Variants in DAAM2 observed in about 807,000 individuals in gnomAD.
DAAM2 encodes disheveled-associated activator of morphogenesis 2.
Under a neutral mutation model 120.7 loss-of-function variants are expected in DAAM2, and 39 were observed. That is an observed-to-expected ratio of 0.32 (90% CI 0.25 to 0.42). The LOEUF (loss-of-function observed/expected upper bound fraction) is 0.42. DAAM2 is among the 10% of genes least tolerant of loss of function. The pLI, the probability that DAAM2 is intolerant of heterozygous loss-of-function variation, is 1.00. For missense variants in DAAM2, 1,283 were observed against 1,401.7 expected (o/e 0.92, Z 1.35); for synonymous variants, 488 against 524.9 (o/e 0.93, Z 0.96).
intron 1 of DAAM2, among the ~76,000 whole-genome samples, chr6:39,811,179 G>GTGTGTGTGTA: frequency 2.2e-5 from 1 of 45,358 alleles, no homozygotes; most frequent in East Asian, 4.5e-4. Flanking sequence ...AAGGGAGTGT[G>GTGTGTGTGTA]TGTGTGTGTG....
intron 1 of DAAM2, among the ~76,000 whole-genome samples, chr6:39,807,019 G>A (rs1762028855): frequency 6.6e-6 from 1 of 152,026 alleles, no homozygotes; most frequent in African/African-American, 2.4e-5. Context: ...TCACTCCTAG[G>A]TAAGTCCAGA....
At chr6:39,808,498 C>T (rs180852606) in intron 1 of DAAM2, among the ~76,000 whole-genome samples, 137 of 152,308 alleles carry the variant, frequency 9.0e-4, no homozygotes, top group South Asian at 3.7e-3. Context: ...GTTCCTTTTG[C>T]GAACACCCCA....
intron 1 of DAAM2, among the ~76,000 whole-genome samples, chr6:39,795,872 G>A (rs534695595): frequency 6.6e-6 from 1 of 152,250 alleles, no homozygotes; most frequent in Admixed American, 6.5e-5. Flanking sequence ...TGCTCTTTAG[G>A]GAGGGAGAAG....
intron 1 of DAAM2, among the ~76,000 whole-genome samples, chr6:39,849,218 C>T (rs764702915): frequency 5.9e-5 from 9 of 152,064 alleles, no homozygotes; most frequent in African/African-American, 1.2e-4. Context: ...TGGTAGTAGC[C>T]GTAGACAATA....
rs374406321 is a variant in DAAM2 at position 39,901,394 on chromosome 6, C to T, written c.2904C>T (p.Phe968=). Reference sequence around the variant, plus strand: ...TCTTTGATACCTTCTTGCAGGCCTTCTCAGAGGCCCGGCAGGATCTAGAGG... The same window carrying T: ...TCTTTGATACCTTCTTGCAGGCCTTTTCAGAGGCCCGGCAGGATCTAGAGG... ...FGIFDTFLQA[F]SEARQDLEAM... The change falls in exon 24 of 25, where the codon TTC becomes TTT. Residue 968 remains phenylalanine (F), a synonymous_variant. Transcript: ENST00000274867. The surrounding 1 kb of genome is among the most constrained non-coding windows in gnomAD (Gnocchi z 4.5). 21 of 1,613,720 alleles carry T rather than the reference C, an allele frequency of 1.3e-5. No homozygotes were observed. The highest frequency in any genetic ancestry group is 1.6e-5 in the Non-Finnish European group (19 of 1,179,892).
chr6:39,870,527 C>T (rs1180601486), intron 8 of DAAM2, 84 bp downstream of exon 8: 6 of 876,418 alleles, frequency 6.8e-6, no homozygotes, highest in Non-Finnish European at 1.1e-5. Flanking sequence ...GTGAAGGCTG[C>T]CCTTCCCTCT....
intron 1 of DAAM2, chr6:39,821,141 G>A (rs1216747727): frequency 6.6e-6 from 1 of 152,160 alleles, no homozygotes; most frequent in African/African-American, 2.4e-5. Flanking sequence ...CACCCACCTC[G>A]GGCTCTTGGG....
intron 7 of DAAM2, among the ~76,000 whole-genome samples, chr6:39,870,026 ATCTG>A (rs1265573652): frequency 6.6e-6 from 1 of 152,078 alleles, no homozygotes; most frequent in East Asian, 1.9e-4. Context: ...CAGATCCAAG[ATCTG>A]TCTGATTCCA....
Position 39,878,184 on chromosome 6 carries a change from TC to T in DAAM2, c.1302-16del. ...AATGGTCAACAATCACATTGCCCCT[TC>T]CCTCTATGCCCTGCCAGGCTCATCA... On this transcript the variant is annotated intron_variant, in intron 11 of 24. Transcript: ENST00000274867. The surrounding 1 kb of genome is among the most constrained non-coding windows in gnomAD (Gnocchi z 5.0). 1 of 1,613,552 alleles carries T rather than the reference TC, an allele frequency of 6.2e-7. No homozygotes were observed. Among genetic ancestry groups the T allele is most frequent in the South Asian group, 1.1e-5 (1 of 91,030 alleles).
Position 39,903,687 on chromosome 6 carries a change from A to T in DAAM2, c.*1650A>T, listed in dbSNP as rs1463455202. 1.2e-5 allele frequency: 2 copies of T among 164,216 alleles called. No homozygotes were observed. The highest frequency in any genetic ancestry group is 4.8e-5 in the African/African-American group (2 of 41,580). The allele number at this position is 164,216 out of a possible 1,614,324, so 10.2% of individuals were successfully genotyped here. A position where few individuals can be genotyped will look rare whatever the true frequency, so the allele number is the denominator to read the frequency against. On this transcript the variant is annotated 3_prime_UTR_variant, in exon 25 of 25. Transcript: ENST00000274867. ...AGACTGGTGAGCTGGGCCTACTCTC[A>T]GCTGCCTATCTTCTGCCTTTCACTT...
chr6:39,835,791 C>T (rs576031606), intron 1 of DAAM2, among the ~76,000 whole-genome samples: 1 of 152,238 alleles, frequency 6.6e-6, no homozygotes, highest in East Asian at 1.9e-4. Flanking sequence ...GGTGCCTACC[C>T]TAATGAGATG....
Position 39,904,528 on chromosome 6 carries a change from C to T in DAAM2, c.*2491C>T, listed in dbSNP as rs1562075463. ...ATTTTGTGGCCAATGTAAAATTCGT[C>T]ATCAACCTAACAAACACAACCTTCT... On this transcript the variant is annotated 3_prime_UTR_variant, in exon 25 of 25. Coordinates refer to ENST00000274867, the MANE Select transcript of DAAM2 (RefSeq NM_001201427.2). 2.2e-6 allele frequency: 1 copy of T among 454,284 alleles called. No individual in the cohort carries two copies. Among genetic ancestry groups the T allele is most frequent in the Admixed American group, 2.3e-5 (1 of 42,574 alleles). The allele number at this position is 454,284 out of a possible 1,614,324, so 28.1% of individuals were successfully genotyped here.
chr6:39,901,554 G>A lies in DAAM2; in HGVS notation c.2982+82G>A. The A allele has an allele frequency of 6.8e-7, 1 of 1,460,410 alleles. No individual in the cohort carries two copies. The highest frequency in any genetic ancestry group is 9.2e-7 in the Non-Finnish European group (1 of 1,082,932). 90.5% of individuals were successfully genotyped at this position (1,460,410 alleles called of 1,614,324 possible). A position where few individuals can be genotyped will look rare whatever the true frequency, so the allele number is the denominator to read the frequency against. ...CACCCCCAAACTGGGGTGTGTGGGA[G>A]GAGGGCAGAGACTGAGGAACTGAGG... On this transcript the variant is annotated intron_variant, in intron 24 of 24. Transcript: ENST00000274867. This position sits in a 1 kb window ranked among gnomAD's most constrained non-coding sequence, Gnocchi z 4.5.
intron 1 of DAAM2, among the ~76,000 whole-genome samples, chr6:39,841,658 C>G (rs1763345745): frequency 6.6e-6 from 1 of 151,988 alleles, no homozygotes; most frequent in South Asian, 2.1e-4. Context: ...TAAGTGGCTT[C>G]AACACTGGGC....
At position 39,798,913 on chromosome 6, in the gene DAAM2, C is replaced by T. The variant is rs1267487290; in HGVS notation, c.-57+6448C>T. 2.0e-5 allele frequency among the ~76,000 whole-genome samples: 3 copies of T among 152,170 alleles called. No homozygotes were observed. The South Asian group carries it at 6.2e-4, about 32-fold the overall frequency. ...TTACCGTCGAGGAAGGACCAAGTCTCCTTCATGCTTTCTACATGTTTACAG... is the reference window on the plus strand; with the variant it reads ...TTACCGTCGAGGAAGGACCAAGTCTTCTTCATGCTTTCTACATGTTTACAG... On this transcript the variant is annotated intron_variant, in intron 1 of 24. Transcript: ENST00000274867.
chr6:39,834,730 C>A (rs1763041584), intron 1 of DAAM2, among the ~76,000 whole-genome samples: 1 of 152,178 alleles, frequency 6.6e-6, no homozygotes. Context: ...AGGAGAAAAT[C>A]CAGCCATAAT....
At chr6:39,869,557 T>C (rs892280260) in intron 7 of DAAM2, among the ~76,000 whole-genome samples, 1 of 152,050 alleles carries the variant, frequency 6.6e-6, no homozygotes, top group African/African-American at 2.4e-5. Flanking sequence ...ATCATTGCAC[T>C]CTAGCCTAGG....
At chr6:39,822,345 G>T (rs1029409670) in intron 1 of DAAM2, 1 of 152,188 alleles carries the variant, frequency 6.6e-6, no homozygotes, top group Non-Finnish European at 1.5e-5. Context: ...GCACTCACCC[G>T]AGGGTTTCCA....
chr6:39,887,225 A>T (rs1053447526), intron 15 of DAAM2: 6 of 385,968 alleles, frequency 1.6e-5, no homozygotes, highest in African/African-American at 2.1e-5. Context: ...TTTCTAAAAA[A>T]AATCTCTAAA....
Sources: gnomAD v4.1 joint callset for allele counts (sites outside exome capture counted in the v4.1 genomes callset) on GRCh38, gnomAD v4.1.1 for gene constraint, Gnocchi (gnomAD v3.1) non-coding constraint, MANE v1.5 for transcripts, NCBI Gene and HGNC (gene_info 2026-07-23, HGNC 2026-07-21) for gene names.